CPA6: variants seen among roughly 807,000 people sequenced by gnomAD.
The protein encoded by CPA6 is carboxypeptidase A6, also known as carboxypeptidase B.
A neutral mutation model predicts 63.3 loss-of-function variants in CPA6; 58 were observed. The observed-to-expected ratio is 0.92, with a 90% CI of 0.74 to 1.14. CPA6 has a LOEUF of 1.14. CPA6 is among the 50% of genes most tolerant of loss of function. The pLI, the probability that CPA6 is intolerant of heterozygous loss-of-function variation, is 0.00. For missense variants in CPA6, 565 were observed against 526.6 expected (o/e 1.07, Z -0.71); for synonymous variants, 185 against 179.0 (o/e 1.03, Z -0.27).
At chr8:67,522,782 C>A (rs1222749506) in intron 2 of CPA6, among the ~76,000 whole-genome samples, 1 of 152,228 alleles carries the variant, frequency 6.6e-6, no homozygotes, top group Non-Finnish European at 1.5e-5. Flanking sequence ...AAGCCAGTTG[C>A]AGCATGCCTG....
chr8:67,447,782 C>CT (rs961304926), intron 8 of CPA6, among the ~76,000 whole-genome samples: 12 of 151,718 alleles, frequency 7.9e-5, no homozygotes, highest in African/African-American at 2.4e-4. Flanking sequence ...ATTTTACTTC[C>CT]TTTTTTTTCT....
At chr8:67,538,034 A>C (rs1281144385) in intron 2 of CPA6, among the ~76,000 whole-genome samples, 2 of 152,238 alleles carry the variant, frequency 1.3e-5, no homozygotes, top group East Asian at 3.9e-4. Flanking sequence ...ATTTGATTGC[A>C]CTGTGGTCTG....
intron 2 of CPA6, among the ~76,000 whole-genome samples, chr8:67,538,177 G>A (rs545265171): frequency 4.2e-4 from 64 of 152,312 alleles, no homozygotes; most frequent in African/African-American, 1.5e-3. Context: ...TCATGGTGGA[G>A]AGTTCTGTAG....
At chr8:67,456,930 A>C (rs1810689785) in intron 8 of CPA6, among the ~76,000 whole-genome samples, 1 of 152,194 alleles carries the variant, frequency 6.6e-6, no homozygotes, top group Non-Finnish European at 1.5e-5. Context: ...TTGACTGTGG[A>C]GGAAGAGCTC....
At chr8:67,475,829 TTCTTTCTTTCTTTC>T (rs1811185283) in intron 8 of CPA6, among the ~76,000 whole-genome samples, 3 of 65,196 alleles carry the variant, frequency 4.6e-5, no homozygotes, top group Admixed American at 1.7e-4. Context: ...TTTCTTTTCT[TTCTTTCTTTCTTTC>T]TTTCTTTCTT....
At chr8:67,549,365 A>C (rs1812890244) in intron 2 of CPA6, among the ~76,000 whole-genome samples, 1 of 152,218 alleles carries the variant, frequency 6.6e-6, no homozygotes, top group South Asian at 2.1e-4. Flanking sequence ...AACCACGTTG[A>C]GGTATGATTG....
At chr8:67,441,811 A>G (rs1183103958) in intron 8 of CPA6, among the ~76,000 whole-genome samples, 1 of 152,162 alleles carries the variant, frequency 6.6e-6, no homozygotes, top group South Asian at 2.1e-4. Context: ...GGAAGAAAAA[A>G]ATATAAAGGT....
intron 8 of CPA6, among the ~76,000 whole-genome samples, chr8:67,478,771 T>A (rs977688198): frequency 6.6e-6 from 1 of 152,220 alleles, no homozygotes; most frequent in Non-Finnish European, 1.5e-5. Context: ...GCATGGTGGC[T>A]TATGCCTGTA....
chr8:67,572,947 T>G (rs1813523195), intron 2 of CPA6, among the ~76,000 whole-genome samples: 1 of 152,218 alleles, frequency 6.6e-6, no homozygotes, highest in African/African-American at 2.4e-5. Context: ...TGGGATTTAT[T>G]CCTGGGATGC....
chr8:67,547,199 A>G (rs1181894535), intron 2 of CPA6, among the ~76,000 whole-genome samples: 2 of 152,064 alleles, frequency 1.3e-5, no homozygotes, highest in Non-Finnish European at 2.9e-5. Flanking sequence ...GGCGCCCGCC[A>G]CCACGCCCGG....
At chr8:67,652,779 A>G (rs1375982214) in intron 1 of CPA6, among the ~76,000 whole-genome samples, 1 of 151,968 alleles carries the variant, frequency 6.6e-6, no homozygotes, top group African/African-American at 2.4e-5. Flanking sequence ...TTTTGTTGCC[A>G]TTGCTTTTGG....
intron 8 of CPA6, among the ~76,000 whole-genome samples, chr8:67,448,132 G>A (rs986805552): frequency 1.6e-4 from 25 of 152,252 alleles, no homozygotes; most frequent in African/African-American, 5.3e-4. Context: ...ACTTTAGACC[G>A]GACTCTTTGA....
At chr8:67,513,041 T>C (rs956383765) in intron 3 of CPA6, among the ~76,000 whole-genome samples, 2 of 152,156 alleles carry the variant, frequency 1.3e-5, no homozygotes, top group Admixed American at 6.5e-5. Context: ...GACTTACTGC[T>C]TTTTTTGTTT....
intron 9 of CPA6, among the ~76,000 whole-genome samples, chr8:67,431,852 T>C (rs1810034984): frequency 6.6e-6 from 1 of 152,174 alleles, no homozygotes; most frequent in Non-Finnish European, 1.5e-5. Flanking sequence ...AATAAAAGTC[T>C]TCCCCAGGCC....
chr8:67,447,049 C>CACACATATATATACACACATATAT lies in CPA6; in HGVS notation c.839-12810_839-12809insATATATGTGTGTATATATATGTGT, dbSNP rs1563956440. 2.2e-4 allele frequency among the ~76,000 whole-genome samples: 20 copies of CACACATATATATACACACATATAT among 89,166 alleles called. No individual in the cohort carries two copies. The East Asian group carries it at 6.6e-3, about 30-fold the overall frequency. 58.5% of individuals were successfully genotyped at this position (89,166 alleles called of 152,430 possible). On this transcript the variant is annotated intron_variant, in intron 8 of 10. Transcript: ENST00000297770. The stretch of plus-strand genomic sequence containing the variant: ...ATATATATACACACATATATATATA[C>CACACATATATATACACACATATAT]ACACACATATATATACACACATATA...
chr8:67,535,759 T>G (rs1393487289), intron 2 of CPA6, among the ~76,000 whole-genome samples: 2 of 152,224 alleles, frequency 1.3e-5, no homozygotes, highest in Admixed American at 6.5e-5. Flanking sequence ...ATTTTGGTGT[T>G]TTAGTCATGA....
intron 5 of CPA6, 67 bp downstream of exon 5, chr8:67,509,450 G>C (rs1234502038): frequency 1.3e-6 from 1 of 755,426 alleles, no homozygotes; most frequent in Non-Finnish European, 2.3e-6. Flanking sequence ...TTTCCCATAG[G>C]TTAAAGTTGA....
intron 2 of CPA6, among the ~76,000 whole-genome samples, chr8:67,571,239 C>A (rs886856797): frequency 2.0e-5 from 3 of 152,066 alleles, no homozygotes; most frequent in African/African-American, 7.2e-5. Flanking sequence ...AGAGAGATTG[C>A]CATTCAATAG....
chr8:67,676,399 C>A (rs1816475267), intron 1 of CPA6, among the ~76,000 whole-genome samples: 1 of 152,172 alleles, frequency 6.6e-6, no homozygotes, highest in African/African-American at 2.4e-5. Context: ...TTCTTTAAAT[C>A]CCCTTAGTTT....
Sources: allele counts gnomAD v4.1 joint callset (sites outside exome capture counted in the v4.1 genomes callset), GRCh38; gene constraint gnomAD v4.1.1; transcripts MANE v1.5; gene names NCBI Gene and HGNC (gene_info 2026-07-23, HGNC 2026-07-21).